TAB1: variants seen among roughly 807,000 people sequenced by gnomAD.
The protein encoded by TAB1 is TGF-beta activated kinase 1 (MAP3K7) binding protein 1.
In TAB1, 30 loss-of-function variants were observed where a neutral mutation model predicts 54.5. The ratio of observed to expected loss-of-function variants is 0.55; its 90% CI spans 0.41 to 0.75. TAB1 has a LOEUF of 0.75. Among genes scored for constraint, TAB1 ranks in the 30% least tolerant of loss-of-function variants. The probability of loss-of-function intolerance (pLI) is 0.00; values close to 1 mark genes in which losing one functional copy is unlikely to be tolerated. For missense variants in TAB1, 609 were observed against 683.2 expected (o/e 0.89, Z 1.21); for synonymous variants, 289 against 286.9 (o/e 1.01, Z -0.07).
At chr22:39,433,323 C>A, downstream of TAB1, 1 of 745,622 alleles carries the variant, frequency 1.3e-6, no homozygotes, top group Non-Finnish European at 1.6e-6. Context: ...TGGTGGTGGG[C>A]ACCTGTAGTC....
At chr22:39,400,902 G>A (rs575559481) in intron 1 of TAB1, among the ~76,000 whole-genome samples, 37 of 151,866 alleles carry the variant, frequency 2.4e-4, no homozygotes, top group Non-Finnish European at 3.8e-4. Context: ...AGCGTGGTGG[G>A]GGCGCCTGTA....
Position 39,415,198 on chromosome 22 carries a change from A to G in TAB1, c.170+56A>G. The G allele has an allele frequency of 4.6e-6, 7 of 1,528,628 alleles. No individual in the cohort carries two copies. The highest frequency in any genetic ancestry group is 6.2e-6 in the Non-Finnish European group (7 of 1,135,390). 94.7% of individuals were successfully genotyped at this position (1,528,628 alleles called of 1,614,324 possible). Reference sequence around the variant, plus strand: ...CGGGGAGTTGGTTGGTTTGCAAGCAAGGAAAGACACCGACCTTGCAGCTTT... The same window carrying G: ...CGGGGAGTTGGTTGGTTTGCAAGCAGGGAAAGACACCGACCTTGCAGCTTT... On this transcript the variant is annotated intron_variant, in intron 2 of 10. Transcript: ENST00000216160. This position sits in a 1 kb window ranked among gnomAD's most constrained non-coding sequence, Gnocchi z 4.9.
At position 39,431,498 on chromosome 22, in the gene TAB1, C is replaced by A. The variant is rs190774397; in HGVS notation, c.*1276C>A. ...CTGCCCCCCATGCCCCAGACCGGCC[C>A]ACCAGGGACTAGCCGCTGTCGCACA... On this transcript the variant is annotated 3_prime_UTR_variant, in exon 11 of 11. Transcript: ENST00000216160. 1.0e-5 allele frequency: 10 copies of A among 985,680 alleles called. No individual in the cohort carries two copies. Among genetic ancestry groups the A allele is most frequent in the East Asian group, 1.1e-4 (1 of 8,814 alleles). 61.1% of individuals were successfully genotyped at this position (985,680 alleles called of 1,614,324 possible).
At chr22:39,414,098 A>G (rs1230174014) in intron 1 of TAB1, among the ~76,000 whole-genome samples, 2 of 152,168 alleles carry the variant, frequency 1.3e-5, no homozygotes, top group Non-Finnish European at 2.9e-5. Context: ...GGCATTGCAG[A>G]CAGGCAGGGA....
rs556544293 is a variant in TAB1, at chr22:39,417,024, C to A, written c.411+147C>A. 112 of 739,410 alleles carry A rather than the reference C, an allele frequency of 1.5e-4. 1 individual carries two copies. The highest frequency in any genetic ancestry group is 2.5e-5 in the Non-Finnish European group (11 of 433,498). The allele number at this position is 739,410 out of a possible 1,614,324, so 45.8% of individuals were successfully genotyped here. ...GATGGGTGACACTGGTGTGTGGCCA[C>A]AGGTGAGGGACCTCGCTGCTCTGCT... On this transcript the variant is annotated intron_variant, in intron 4 of 10. Coordinates refer to ENST00000216160, the MANE Select transcript of TAB1 (RefSeq NM_006116.3).
intron 1 of TAB1, among the ~76,000 whole-genome samples, chr22:39,400,185 A>C (rs1207811182): frequency 6.6e-6 from 1 of 152,160 alleles, no homozygotes; most frequent in African/African-American, 2.4e-5. Context: ...TAATAACAGC[A>C]GCATCCACAG....
In TAB1 at chr22:39,424,674, G is replaced by A. The variant is rs956576117; in HGVS notation, c.922-2029G>A. On this transcript the variant is annotated intron_variant, in intron 8 of 10. Transcript: ENST00000216160. Reference sequence around the variant, plus strand: ...TTTTGGCCAGGCTTATCTTGAACTCGTAACCTCAGATGATCCACCTGCCTT... The same window carrying A: ...TTTTGGCCAGGCTTATCTTGAACTCATAACCTCAGATGATCCACCTGCCTT... Among the ~76,000 whole-genome samples the A allele has an allele frequency of 2.0e-5, 3 of 152,070 alleles. No individual in the cohort carries two copies. The South Asian group carries it at 6.2e-4, about 32-fold the overall frequency.
At chr22:39,406,457 C>G (rs1408222597) in intron 1 of TAB1, among the ~76,000 whole-genome samples, 2 of 148,832 alleles carry the variant, frequency 1.3e-5, no homozygotes, top group Non-Finnish European at 3.0e-5. Context: ...TGAAGATGGT[C>G]AGTGGATGAT....
chr22:39,403,640 C>CTTTT lies in TAB1; in HGVS notation c.33+3818_33+3821dup, dbSNP rs35800128. On this transcript the variant is annotated intron_variant, in intron 1 of 10. Coordinates refer to ENST00000216160, the MANE Select transcript of TAB1 (RefSeq NM_006116.3). ...GACTTTTGATTGGAGAAAAATCCCT[C>CTTTT]TTTTTTTTTTTTTTTTGAGACGGAG... 4.1e-4 allele frequency among the ~76,000 whole-genome samples: 57 copies of CTTTT among 137,360 alleles called. 2 individuals are homozygous for CTTTT. In the South Asian group the frequency reaches 0.012, roughly 28 times the overall value. The allele number at this position is 137,360 out of a possible 152,430, so 90.1% of individuals were successfully genotyped here. A position where few individuals can be genotyped will look rare whatever the true frequency, so the allele number is the denominator to read the frequency against.
At chr22:39,428,691 C>G (rs1467574655) in intron 10 of TAB1, among the ~76,000 whole-genome samples, 1 of 152,210 alleles carries the variant, frequency 6.6e-6, no homozygotes. Context: ...CACCCCACCC[C>G]CTTCACTTCC....
chr22:39,432,585 C>T (rs1477457162), downstream of TAB1: 3 of 236,252 alleles, frequency 1.3e-5, no homozygotes, highest in East Asian at 3.6e-4. Flanking sequence ...CGCCAGGGGT[C>T]CTGAGGACCA....
At chr22:39,436,681 C>A, downstream of TAB1, 1 of 883,716 alleles carries the variant, frequency 1.1e-6, no homozygotes, top group Non-Finnish European at 1.8e-6. Flanking sequence ...CCAGGCCCCG[C>A]CCCCTCCCCG....
Position 39,430,333 on chromosome 22 carries a change from C to T in TAB1, c.*111C>T. On this transcript the variant is annotated 3_prime_UTR_variant, in exon 11 of 11. Coordinates refer to ENST00000216160, the MANE Select transcript of TAB1 (RefSeq NM_006116.3). ...CGGCCAGCAGGTGCCCCATCCTCTG[C>T]CCACAGCAGACTCTGTCCCATGGCT... The T allele has an allele frequency of 5.9e-6, 9 of 1,538,408 alleles. No homozygotes were observed. The highest frequency in any genetic ancestry group is 7.8e-6 in the Non-Finnish European group (9 of 1,146,984).
chr22:39,426,687 C>G lies in TAB1; in HGVS notation c.922-16C>G, dbSNP rs1308118977. The G allele has an allele frequency of 6.3e-7, 1 of 1,587,392 alleles. No homozygotes were observed. The highest frequency in any genetic ancestry group is 8.6e-7 in the Non-Finnish European group (1 of 1,160,688). On this transcript the variant is annotated splice_polypyrimidine_tract_variant and intron_variant, in intron 8 of 10. Transcript: ENST00000216160. Reference sequence around the variant, plus strand: ...CACCTCGTTCCTTACCAGGTTCTTCCTACCCCCTCCCCCAGGAGATTGCTG... The same window carrying G: ...CACCTCGTTCCTTACCAGGTTCTTCGTACCCCCTCCCCCAGGAGATTGCTG...
At chr22:39,433,582 G>T, downstream of TAB1, 2 of 985,400 alleles carry the variant, frequency 2.0e-6, no homozygotes, top group Non-Finnish European at 2.4e-6. Flanking sequence ...CGCAGCACCC[G>T]TGAGCCATCC....
intron 8 of TAB1, 70 bp from the exon 9 acceptor site, chr22:39,426,633 C>T: frequency 7.1e-7 from 1 of 1,399,862 alleles, no homozygotes; most frequent in South Asian, 1.3e-5. Flanking sequence ...TTTTAGGCTC[C>T]AAGATTATGG....
intron 1 of TAB1, among the ~76,000 whole-genome samples, chr22:39,413,507 C>T (rs1382304828): frequency 3.3e-5 from 5 of 152,066 alleles, no homozygotes; most frequent in African/African-American, 4.8e-5. Flanking sequence ...ACCTCCGACT[C>T]CTGGGTTTAA....
At position 39,416,952 on chromosome 22, in the gene TAB1, T is replaced by C. The variant is rs186028398; in HGVS notation, c.411+75T>C. ...GCAAGGAGCATGGACTCATCTACTTTCTTGACATTACTGGGCCAGAGCAAC... is the reference window on the plus strand; with the variant it reads ...GCAAGGAGCATGGACTCATCTACTTCCTTGACATTACTGGGCCAGAGCAAC... On this transcript the variant is annotated intron_variant, in intron 4 of 10. Transcript: ENST00000216160. 1,237 of 1,433,512 alleles carry C rather than the reference T, an allele frequency of 8.6e-4. 12 individuals are homozygous for C. In the African/African-American group the frequency reaches 0.016, roughly 19 times the overall value. 88.8% of individuals were successfully genotyped at this position (1,433,512 alleles called of 1,614,324 possible).
downstream of TAB1, among the ~76,000 whole-genome samples, chr22:39,433,988 C>G (rs1398775801): frequency 6.6e-6 from 1 of 151,986 alleles, no homozygotes; most frequent in Non-Finnish European, 1.5e-5. Flanking sequence ...GGCTTTCTCT[C>G]TTATTCCACT....
Sources: allele counts gnomAD v4.1 joint callset (sites outside exome capture counted in the v4.1 genomes callset), GRCh38; gene constraint gnomAD v4.1.1; non-coding constraint Gnocchi (gnomAD v3.1); transcripts MANE v1.5; gene names NCBI Gene and HGNC (gene_info 2026-07-23, HGNC 2026-07-21).